Variants in SGSM1 observed in about 807,000 individuals in gnomAD.
SGSM1 encodes RUN and TBC1 domain containing 2.
In SGSM1, 73 loss-of-function variants were observed where a neutral mutation model predicts 133.8. That is an observed-to-expected ratio of 0.55 (90% CI 0.45 to 0.66). SGSM1 has a LOEUF of 0.66. SGSM1 is among the 30% of genes least tolerant of loss of function. SGSM1 has a pLI of 0.00. For synonymous variants in SGSM1, 563 were observed against 573.0 expected (o/e 0.98, Z 0.25); for missense variants, 1,213 against 1,448.1 (o/e 0.84, Z 2.64).
intron 14 of SGSM1, among the ~76,000 whole-genome samples, chr22:24,880,711 A>C (rs895941106): frequency 3.3e-5 from 5 of 152,158 alleles, no homozygotes; most frequent in Non-Finnish European, 7.3e-5. Flanking sequence ...ATTGGACCCA[A>C]ATGGAAGCAG....
At chr22:24,889,296 G>A (rs1037965061) in intron 16 of SGSM1, among the ~76,000 whole-genome samples, 1 of 151,798 alleles carries the variant, frequency 6.6e-6, no homozygotes, top group African/African-American at 2.4e-5. Context: ...AGAAACAGAT[G>A]CAATTCATAT....
At chr22:24,866,505 A>G (rs147057173) in intron 9 of SGSM1, among the ~76,000 whole-genome samples, 147 of 152,358 alleles carry the variant, frequency 9.6e-4, no homozygotes, top group African/African-American at 3.4e-3. Flanking sequence ...ACTGGCCCAC[A>G]TGAATTGAAA....
chr22:24,905,591 TCCTGGTGAACAC>T (rs1292827882), intron 21 of SGSM1, among the ~76,000 whole-genome samples: 1 of 151,622 alleles, frequency 6.6e-6, no homozygotes, highest in African/African-American at 2.4e-5. Flanking sequence ...ATCGAGACCA[TCCTGGTGAACAC>T]GGTGAAACCC....
chr22:24,832,837 T>C (rs1319878873), intron 2 of SGSM1, among the ~76,000 whole-genome samples: 2 of 152,154 alleles, frequency 1.3e-5, no homozygotes, highest in African/African-American at 4.8e-5. Flanking sequence ...CTGAGCTCCA[T>C]GAGGGAAGGA....
At chr22:24,868,594 GGTT>G in intron 11 of SGSM1, 55 bp downstream of exon 11, 1 of 1,612,366 alleles carries the variant, frequency 6.2e-7, no homozygotes, top group African/African-American at 1.3e-5. Context: ...CACAGAGGGT[GGTT>G]GTTTTTGCCT....
rs747610310 is a variant in SGSM1 at position 24,855,265 on chromosome 22, A to G, written c.524-20A>G. 1 of 1,601,786 alleles carries G rather than the reference A, an allele frequency of 6.2e-7. No individual in the cohort carries two copies. The highest frequency in any genetic ancestry group is 8.5e-7 in the Non-Finnish European group (1 of 1,173,946). ...GGACTTTCCGGGGCAGTGGGTTTCC[A>G]GCCCCCACATGCCCCTCAGTGGGGC... On this transcript the variant is annotated intron_variant, in intron 6 of 24. Coordinates refer to ENST00000400358, the MANE Select transcript of SGSM1 (RefSeq NM_001098497.3).
In SGSM1 at chr22:24,884,100, GC is replaced by G; in HGVS notation, c.1546del (p.Leu516TrpfsTer5). The G allele has an allele frequency of 6.2e-7, 1 of 1,613,726 alleles. No homozygotes were observed. Among genetic ancestry groups the G allele is most frequent in the Non-Finnish European group, 8.5e-7 (1 of 1,179,796 alleles). On this transcript the variant is annotated frameshift_variant, in exon 15 of 25. Coordinates refer to ENST00000400358, the MANE Select transcript of SGSM1 (RefSeq NM_001098497.3). LOFTEE classifies it high-confidence loss of function. ...GTCCACCGTGAGAACCCACCTATCAGCCCTGGTCAATCACATGATCGTGTCT... is the reference window on the plus strand; with the variant it reads ...GTCCACCGTGAGAACCCACCTATCAGCCTGGTCAATCACATGATCGTGTCT... ...HLSTVRTHLS[A>X]LVNHMIVSPD...
In SGSM1 at chr22:24,806,234, C is replaced by G. The variant is rs973036967; in HGVS notation, c.-92C>G. On this transcript the variant is annotated 5_prime_UTR_variant, in exon 1 of 25. Transcript: ENST00000400358. ...TCACTCAGCGCTCGGCCCCGCCCCG[C>G]CGCGGCTGCAGCAGCAGCGCCGCGG... 7.9e-5 allele frequency: 102 copies of G among 1,297,468 alleles called. No individual in the cohort carries two copies. In the African/African-American group the frequency reaches 1.5e-3, roughly 19 times the overall value. 80.4% of individuals were successfully genotyped at this position (1,297,468 alleles called of 1,614,324 possible).
Position 24,884,074 on chromosome 22 carries a change from T to C in SGSM1, c.1517T>C (p.Leu506Pro). 1 of 1,612,956 alleles carries C rather than the reference T, an allele frequency of 6.2e-7. No homozygotes were observed. Among genetic ancestry groups the C allele is most frequent in the Non-Finnish European group, 8.5e-7 (1 of 1,179,512 alleles). ...ACAGGGCTGGCCTACTGCAGACACC[T>C]GTCCACCGTGAGAACCCACCTATCA... ...FYGWLAYCRH[L>P]STVRTHLSAL... Residue 506 changes from leucine to proline, a missense_variant, in exon 15 of 25, where the codon CTG (leucine) becomes CCG (proline). Physicochemically the swap from Leu to Pro is moderately conservative, Grantham distance 98. Transcript: ENST00000400358.
intron 9 of SGSM1, 148 bp from the exon 10 acceptor site, chr22:24,866,945 A>C: frequency 1.4e-6 from 1 of 708,660 alleles, no homozygotes; most frequent in Non-Finnish European, 2.4e-6. Flanking sequence ...AAAAGGGGAG[A>C]TAGAGTCTGG....
At chr22:24,907,255 C>A (rs1020177167) in intron 21 of SGSM1, among the ~76,000 whole-genome samples, 3 of 140,640 alleles carry the variant, frequency 2.1e-5, no homozygotes, top group Admixed American at 7.5e-5. Flanking sequence ...AGCAAAACTC[C>A]ATCTCAAATA....
At chr22:24,811,634 G>A (rs910385743) in intron 2 of SGSM1, among the ~76,000 whole-genome samples, 3 of 152,156 alleles carry the variant, frequency 2.0e-5, no homozygotes, top group Admixed American at 6.5e-5. Flanking sequence ...GGGAGGCCAA[G>A]GTGGGATGAT....
intron 9 of SGSM1, among the ~76,000 whole-genome samples, chr22:24,863,444 A>G (rs1431981774): frequency 6.6e-6 from 1 of 152,162 alleles, no homozygotes; most frequent in Non-Finnish European, 1.5e-5. Flanking sequence ...GGCGTGAGCC[A>G]CCGCGCCCGG....
chr22:24,807,981 T>C (rs1927510198), intron 2 of SGSM1, among the ~76,000 whole-genome samples: 1 of 152,094 alleles, frequency 6.6e-6, no homozygotes, highest in Non-Finnish European at 1.5e-5. Flanking sequence ...TTCTAGCATT[T>C]TCGAATGAGA....
Position 24,899,052 on chromosome 22 carries a change from TAC to T in SGSM1, c.2610+495_2610+496del, listed in dbSNP as rs1933028588. 2.1e-5 allele frequency among the ~76,000 whole-genome samples: 3 copies of T among 144,398 alleles called. No individual in the cohort carries two copies. The South Asian group carries it at 6.6e-4, about 32-fold the overall frequency. 94.7% of individuals were successfully genotyped at this position (144,398 alleles called of 152,430 possible). A position where few individuals can be genotyped will look rare whatever the true frequency, so the allele number is the denominator to read the frequency against. ...AAAAAAAAAAAAAAAAAAAAACGTG[TAC>T]AGTGTTATAATATTTTATGCAACTA... On this transcript the variant is annotated intron_variant, in intron 19 of 24. Transcript: ENST00000400358.
intron 18 of SGSM1, among the ~76,000 whole-genome samples, chr22:24,897,530 T>TG (rs1932949215): frequency 6.6e-6 from 1 of 152,236 alleles, no homozygotes; most frequent in Non-Finnish European, 1.5e-5. Flanking sequence ...AGTGGCATGA[T>TG]GGTCACAGCT....
Position 24,924,390 on chromosome 22 carries a change from C to A in SGSM1, c.*116C>A. 1 of 847,168 alleles carries A rather than the reference C, an allele frequency of 1.2e-6. No individual in the cohort carries two copies. Among genetic ancestry groups the A allele is most frequent in the Non-Finnish European group, 1.9e-6 (1 of 516,708 alleles). 52.5% of individuals were successfully genotyped at this position (847,168 alleles called of 1,614,324 possible). A position where few individuals can be genotyped will look rare whatever the true frequency, so the allele number is the denominator to read the frequency against. On this transcript the variant is annotated 3_prime_UTR_variant, in exon 25 of 25. Coordinates refer to ENST00000400358, the MANE Select transcript of SGSM1 (RefSeq NM_001098497.3). ...CGGGGTCCTGGTGTCTGTTCACAAG[C>A]GTGGAGTTCAGTGCGCAAAGAAACT...
chr22:24,907,197 T>G (rs1336872793), intron 21 of SGSM1, among the ~76,000 whole-genome samples: 1 of 150,348 alleles, frequency 6.7e-6, no homozygotes, highest in Non-Finnish European at 1.5e-5. Flanking sequence ...GAGGTGGAGG[T>G]TGCAGTGAGC....
At chr22:24,900,353 TTCTTTCTTTCTTTC>T (rs1198908382) in intron 19 of SGSM1, among the ~76,000 whole-genome samples, 1 of 68,774 alleles carries the variant, frequency 1.5e-5, no homozygotes, top group Admixed American at 1.9e-4. Flanking sequence ...CTTTCTTTCT[TTCTTTCTTTCTTTC>T]TTTCTTTCTT....
Sources: allele counts gnomAD v4.1 joint callset (sites outside exome capture counted in the v4.1 genomes callset), GRCh38; gene constraint gnomAD v4.1.1; transcripts MANE v1.5; gene names NCBI Gene and HGNC (gene_info 2026-07-23, HGNC 2026-07-21).